Variants in FBXL13 observed in about 807,000 individuals in gnomAD.
FBXL13 encodes the protein F-box and leucine rich repeat protein 13.
FBXL13 carries 67 observed loss-of-function variants against 83.6 expected under a neutral mutation model. That is an observed-to-expected ratio of 0.80 (90% CI 0.66 to 0.98). The LOEUF is 0.98. Among genes scored for constraint, FBXL13 ranks in the 50% least tolerant of loss-of-function variants. The probability of loss-of-function intolerance (pLI) is 0.00; values close to 1 mark genes in which losing one functional copy is unlikely to be tolerated. For missense variants in FBXL13, 822 were observed against 866.5 expected (o/e 0.95, Z 0.64); for synonymous variants, 272 against 299.5 (o/e 0.91, Z 0.95).
At position 103,036,300 on chromosome 7, in the gene FBXL13, A is replaced by C. The variant is rs1795062037; in HGVS notation, c.1-6882T>G. 6.6e-5 allele frequency among the ~76,000 whole-genome samples: 10 copies of C among 152,270 alleles called. 1 individual carries two copies. The Middle Eastern group carries it at 0.01, about 155-fold the overall frequency. On this transcript the variant is annotated intron_variant, in intron 2 of 19. Coordinates refer to ENST00000313221, the Ensembl canonical transcript of FBXL13. ...GCAAAACAGAATGGGGATTATAAAT[A>C]TGTGTTGAATGGATATGCCTAATTT...
chr7:102,858,378 G>A (rs1806336890), intron 16 of FBXL13, among the ~76,000 whole-genome samples: 1 of 152,140 alleles, frequency 6.6e-6, no homozygotes, highest in Non-Finnish European at 1.5e-5. Context: ...GCACTGTGGG[G>A]TGAATATGGT....
At chr7:102,962,362 G>A (rs1451120832) in intron 8 of FBXL13, among the ~76,000 whole-genome samples, 1 of 152,108 alleles carries the variant, frequency 6.6e-6, no homozygotes, top group African/African-American at 2.4e-5. Flanking sequence ...TGGAGAAATA[G>A]GAACACTTTT....
intron 8 of FBXL13, chr7:102,944,726 G>A (rs1296468483): frequency 1.8e-5 from 16 of 875,808 alleles, no homozygotes; most frequent in African/African-American, 3.4e-5. Context: ...GCTAAAGGAA[G>A]CTTTCTTTAA....
chr7:103,045,092 G>A (rs1796135032), intron 2 of FBXL13, among the ~76,000 whole-genome samples: 1 of 152,252 alleles, frequency 6.6e-6, no homozygotes, highest in South Asian at 2.1e-4. Context: ...CCACATGGTG[G>A]AAGAAGATTA....
chr7:102,986,569 A>G (rs1828978859), intron 6 of FBXL13, among the ~76,000 whole-genome samples: 1 of 152,138 alleles, frequency 6.6e-6, no homozygotes, highest in Non-Finnish European at 1.5e-5. Flanking sequence ...GTGGATGTGG[A>G]CTGAAGTCCA....
intron 6 of FBXL13, chr7:102,973,768 AC>A (rs1353637454): frequency 3.9e-6 from 3 of 764,320 alleles, no homozygotes; most frequent in Admixed American, 1.7e-5. Context: ...GATCTCACCT[AC>A]TGGTAAGTTT....
At chr7:102,975,349 C>T (rs989491448) in intron 6 of FBXL13, among the ~76,000 whole-genome samples, 7 of 152,182 alleles carry the variant, frequency 4.6e-5, no homozygotes, top group African/African-American at 1.7e-4. Context: ...CTACATTATC[C>T]TCTCTTCCAC....
rs552225547 is a variant in FBXL13 at position 102,939,597 on chromosome 7, T to C, written c.725-7664A>G. 10 of 1,597,220 alleles carry C rather than the reference T, an allele frequency of 6.3e-6. No individual in the cohort carries two copies. In the East Asian group the frequency reaches 1.3e-4, roughly 21 times the overall value. Reference sequence around the variant, plus strand: ...ATTCATCGATCCTGGTAAGTTCCCCTGTATAGCCCCTTCAATGGGTGGCAA... The same window carrying C: ...ATTCATCGATCCTGGTAAGTTCCCCCGTATAGCCCCTTCAATGGGTGGCAA... On this transcript the variant is annotated intron_variant, in intron 8 of 19. Coordinates refer to ENST00000313221, the Ensembl canonical transcript of FBXL13.
chr7:102,946,573 C>CAT (rs10658185), intron 8 of FBXL13, among the ~76,000 whole-genome samples: 1 of 152,174 alleles, frequency 6.6e-6, no homozygotes, highest in South Asian at 2.1e-4. Flanking sequence ...TTACAGGAAA[C>CAT]AGAGAATGGG....
intron 11 of FBXL13, among the ~76,000 whole-genome samples, chr7:102,903,611 G>T (rs568002837): frequency 7.9e-5 from 12 of 151,926 alleles, no homozygotes; most frequent in Admixed American, 6.6e-4. Flanking sequence ...TTTTTTGAGG[G>T]TTTTTCTTAT....
At chr7:102,916,287 G>A (rs868503191) in intron 10 of FBXL13, among the ~76,000 whole-genome samples, 1 of 152,104 alleles carries the variant, frequency 6.6e-6, no homozygotes, top group Non-Finnish European at 1.5e-5. Context: ...GCAACTAGCC[G>A]AGATGAGTTT....
At chr7:103,018,527 G>C (rs1395275435) in intron 6 of FBXL13, among the ~76,000 whole-genome samples, 1 of 152,096 alleles carries the variant, frequency 6.6e-6, no homozygotes, top group Non-Finnish European at 1.5e-5. Context: ...ACACAGACTG[G>C]CAAATTGGAT....
At chr7:102,855,643 AC>A (rs1203465367) in intron 16 of FBXL13, among the ~76,000 whole-genome samples, 4 of 121,144 alleles carry the variant, frequency 3.3e-5, no homozygotes, top group African/African-American at 1.3e-4. Context: ...TCCCCCCACC[AC>A]CCCCCAACCC....
intron 19 of FBXL13, among the ~76,000 whole-genome samples, chr7:102,820,235 G>A (rs1247583035): frequency 6.6e-6 from 1 of 152,158 alleles, no homozygotes; most frequent in Non-Finnish European, 1.5e-5. Flanking sequence ...TTTAGACAAC[G>A]AAGTGCACAC....
chr7:103,072,073 T>C (rs1038034045), intron 1 of FBXL13, among the ~76,000 whole-genome samples: 14 of 151,736 alleles, frequency 9.2e-5, no homozygotes, highest in African/African-American at 2.7e-4. Context: ...GTCCCAGCTA[T>C]TTGGGAGGCT....
At chr7:102,859,023 TA>T (rs1294291477) in intron 16 of FBXL13, among the ~76,000 whole-genome samples, 7 of 152,052 alleles carry the variant, frequency 4.6e-5, no homozygotes, top group Non-Finnish European at 8.8e-5. Context: ...AAAAAATGTT[TA>T]AAAAAAGATT....
At chr7:103,057,617 T>C (rs1034608575) in intron 1 of FBXL13, among the ~76,000 whole-genome samples, 1 of 152,218 alleles carries the variant, frequency 6.6e-6, no homozygotes, top group Non-Finnish European at 1.5e-5. Flanking sequence ...TTAGTACACA[T>C]AGGTGGGAAA....
intron 17 of FBXL13, among the ~76,000 whole-genome samples, chr7:102,849,762 G>A (rs1350726810): frequency 6.6e-6 from 1 of 152,134 alleles, no homozygotes; most frequent in African/African-American, 2.4e-5. Context: ...ATTACCACAT[G>A]CCCAGAAGTA....
chr7:103,030,315 C>T (rs1419998153), intron 2 of FBXL13, among the ~76,000 whole-genome samples: 1 of 152,142 alleles, frequency 6.6e-6, no homozygotes, highest in Non-Finnish European at 1.5e-5. Flanking sequence ...ATAGGACCCC[C>T]GACATGTGAA....
Sources: gnomAD v4.1 joint callset for allele counts (sites outside exome capture counted in the v4.1 genomes callset) on GRCh38, gnomAD v4.1.1 for gene constraint, MANE v1.5 for transcripts, NCBI Gene and HGNC (gene_info 2026-07-23, HGNC 2026-07-21) for gene names.